Variants in FBLN5 observed in about 807,000 individuals in gnomAD.
FBLN5 encodes fibulin-5.
Under a neutral mutation model 61.6 loss-of-function variants are expected in FBLN5, and 24 were observed. The ratio of observed to expected loss-of-function variants is 0.39; its 90% CI spans 0.28 to 0.55. FBLN5 has a LOEUF of 0.55. Ranked by LOEUF, FBLN5 falls within the 20% of genes least tolerant of loss-of-function variation. The pLI is 0.65. For missense variants in FBLN5, 470 were observed against 594.1 expected, an observed-to-expected ratio of 0.79 and a Z score of 2.17; for synonymous variants, 213 against 219.8, an observed-to-expected ratio of 0.97 and a Z score of 0.27.
chr14:91,894,926 G>A, intron 5 of FBLN5, 24 bp downstream of exon 5: 1 of 1,577,266 alleles, frequency 6.3e-7, no homozygotes, highest in Non-Finnish European at 8.6e-7. Context: ...AAGAGTCCCT[G>A]TGACCCCCCC....
intron 6 of FBLN5, among the ~76,000 whole-genome samples, chr14:91,889,391 C>T (rs568780380): frequency 6.6e-6 from 1 of 152,344 alleles, no homozygotes; most frequent in Admixed American, 6.5e-5. Flanking sequence ...TTCTCACTGC[C>T]CTTTCCTGCC....
chr14:91,934,262 C>CTG (rs2055975954), intron 4 of FBLN5, among the ~76,000 whole-genome samples: 1 of 152,172 alleles, frequency 6.6e-6, no homozygotes, highest in South Asian at 2.1e-4. Flanking sequence ...ACTCTGAGCA[C>CTG]CCTCGAACAA....
At chr14:91,904,938 C>A (rs1234688923) in intron 4 of FBLN5, among the ~76,000 whole-genome samples, 1 of 152,152 alleles carries the variant, frequency 6.6e-6, no homozygotes, top group Non-Finnish European at 1.5e-5. Flanking sequence ...TCTCAACAAT[C>A]ATAGGAGGGA....
At chr14:91,901,028 G>A (rs1471374866) in intron 4 of FBLN5, among the ~76,000 whole-genome samples, 2 of 152,206 alleles carry the variant, frequency 1.3e-5, no homozygotes. Context: ...CAAGAGGTAA[G>A]GAAAGCCAGG....
At chr14:91,901,633 G>A (rs986669908) in intron 4 of FBLN5, among the ~76,000 whole-genome samples, 1 of 152,168 alleles carries the variant, frequency 6.6e-6, no homozygotes, top group Non-Finnish European at 1.5e-5. Context: ...AAGCTACACA[G>A]GACCTACTTC....
chr14:91,945,087 C>T (rs1374268242), intron 1 of FBLN5, among the ~76,000 whole-genome samples: 5 of 151,980 alleles, frequency 3.3e-5, no homozygotes, highest in African/African-American at 7.3e-5. Flanking sequence ...AAAAATTAGC[C>T]GACTGTGGTG....
chr14:91,929,106 CACACACA>C (rs760633279), intron 4 of FBLN5, among the ~76,000 whole-genome samples: 77 of 146,722 alleles, frequency 5.2e-4, no homozygotes, highest in African/African-American at 6.5e-4. Flanking sequence ...CACACACACA[CACACACA>C]CCCCACACAC....
In FBLN5 at chr14:91,942,193, T is replaced by G. The variant is rs143952986; in HGVS notation, c.72+714A>C. 2.9e-5 allele frequency: 13 copies of G among 455,922 alleles called. No homozygotes were observed. In the East Asian group the frequency reaches 9.0e-4, roughly 32 times the overall value. The allele number at this position is 455,922 out of a possible 1,614,324, so 28.2% of individuals were successfully genotyped here. On this transcript the variant is annotated intron_variant, in intron 2 of 10. Coordinates refer to ENST00000342058, the MANE Select transcript of FBLN5 (RefSeq NM_006329.4). ...ATCTCTCCTGTTGCTTAAAATAAAG[T>G]CCAGGATGCTGCAAGCTTCTTCCAG...
At chr14:91,907,077 G>C (rs535582080) in intron 4 of FBLN5, among the ~76,000 whole-genome samples, 1 of 152,326 alleles carries the variant, frequency 6.6e-6, no homozygotes, top group African/African-American at 2.4e-5. Context: ...ACTATCATCT[G>C]CCAATATCTA....
At chr14:91,884,684 TC>T (rs911490571) in intron 7 of FBLN5, among the ~76,000 whole-genome samples, 1 of 152,210 alleles carries the variant, frequency 6.6e-6, no homozygotes, top group Non-Finnish European at 1.5e-5. Flanking sequence ...CTGTAACGTC[TC>T]CCTGAGTAAC....
chr14:91,893,279 ACT>A (rs1488270790), intron 5 of FBLN5, among the ~76,000 whole-genome samples: 2 of 152,132 alleles, frequency 1.3e-5, no homozygotes, highest in East Asian at 3.8e-4. Flanking sequence ...TGTACAAATA[ACT>A]CTCTGTCACT....
At chr14:91,876,229 G>A (rs1240571733) in intron 10 of FBLN5, among the ~76,000 whole-genome samples, 1 of 152,226 alleles carries the variant, frequency 6.6e-6, no homozygotes, top group Non-Finnish European at 1.5e-5. Context: ...CCCTCGGAAA[G>A]CCAGCCTTAT....
At position 91,877,593 on chromosome 14, in the gene FBLN5, G is replaced by A; in HGVS notation, c.1079C>T (p.Ser360Phe). ...CATTTGGAAGATGTCAGCGGGAACG[G>A]AGCGTCCTGACACCACGTCCATGTC... ...YRDMDVVSGR[S>F]VPADIFQMQA... The change falls in exon 10 of 11, where the codon TCC becomes TTC. Residue 360 changes from serine to phenylalanine, a missense_variant. By Grantham distance (155) the Ser-to-Phe change is radical. Coordinates refer to ENST00000342058, the MANE Select transcript of FBLN5 (RefSeq NM_006329.4). 1 of 1,614,078 alleles carries A rather than the reference G, an allele frequency of 6.2e-7. No individual in the cohort carries two copies. Among genetic ancestry groups the A allele is most frequent in the Non-Finnish European group, 8.5e-7 (1 of 1,179,918 alleles).
At chr14:91,897,686 T>C (rs1890282371) in intron 4 of FBLN5, among the ~76,000 whole-genome samples, 1 of 152,202 alleles carries the variant, frequency 6.6e-6, no homozygotes, top group Non-Finnish European at 1.5e-5. Flanking sequence ...GTGTGCGAAG[T>C]ATTCAGGCCG....
intron 6 of FBLN5, among the ~76,000 whole-genome samples, chr14:91,889,859 C>T (rs1310954269): frequency 6.6e-6 from 1 of 152,220 alleles, no homozygotes; most frequent in African/African-American, 2.4e-5. Context: ...CTTTGTCACA[C>T]ACCTGTCCCT....
chr14:91,930,220 T>C (rs938995556), intron 4 of FBLN5, among the ~76,000 whole-genome samples: 3 of 152,334 alleles, frequency 2.0e-5, no homozygotes, highest in Middle Eastern at 6.8e-3. Flanking sequence ...ACAATTTGCA[T>C]GCATATCTCA....
At chr14:91,875,258 C>G (rs1889114082) in intron 10 of FBLN5, among the ~76,000 whole-genome samples, 1 of 152,172 alleles carries the variant, frequency 6.6e-6, no homozygotes, top group African/African-American at 2.4e-5. Context: ...ACCAGACTGT[C>G]TCCAGGAGAA....
intron 6 of FBLN5, among the ~76,000 whole-genome samples, chr14:91,887,644 T>C (rs1045985707): frequency 2.6e-5 from 4 of 152,160 alleles, no homozygotes; most frequent in African/African-American, 9.7e-5. Context: ...TTCCAGGCAA[T>C]ACCTGCTCCT....
At chr14:91,899,182 C>A (rs2095864461) in intron 4 of FBLN5, among the ~76,000 whole-genome samples, 2 of 152,022 alleles carry the variant, frequency 1.3e-5, no homozygotes, top group African/African-American at 2.4e-5. Flanking sequence ...GCCTCCATGA[C>A]CTTTGGAAGA....
Sources: allele counts gnomAD v4.1 joint callset (sites outside exome capture counted in the v4.1 genomes callset), GRCh38; gene constraint gnomAD v4.1.1; transcripts MANE v1.5; gene names NCBI Gene and HGNC (gene_info 2026-07-23, HGNC 2026-07-21).